The following ANK2 variants were observed in gnomAD, a reference collection of about 807,000 sequenced individuals.
ANK2 encodes the protein ankyrin 2.
Under a neutral mutation model 360.5 loss-of-function variants are expected in ANK2, and 83 were observed. That is an observed-to-expected ratio of 0.23 (90% confidence interval 0.19 to 0.28). The LOEUF (loss-of-function observed/expected upper bound fraction) is 0.28, where lower values mean the gene tolerates loss of function less well. Among genes scored for constraint, ANK2 ranks in the 10% least tolerant of loss-of-function variants. The pLI is 1.00. For missense variants in ANK2, 4,201 were observed against 4,795.7 expected (o/e 0.88, Z 3.66); for synonymous variants, 1,740 against 1,759.5 (o/e 0.99, Z 0.28).
intron 1 of ANK2, among the ~76,000 whole-genome samples, chr4:113,083,373 A>G (rs761519620): frequency 3.3e-5 from 5 of 151,936 alleles, no homozygotes; most frequent in Non-Finnish European, 5.9e-5. Flanking sequence ...GTAGAGATGG[A>G]GGGTCTTGCT....
chr4:113,104,766 C>T (rs9759975), intron 1 of ANK2, among the ~76,000 whole-genome samples: 103,776 of 151,910 alleles, frequency 0.68, 35,681 homozygotes, highest in African/African-American at 0.7. Flanking sequence ...ACATGTATAA[C>T]TGGGAAAAAA....
intron 2 of ANK2, among the ~76,000 whole-genome samples, chr4:113,177,535 A>T (rs999538440): frequency 6.6e-6 from 1 of 152,240 alleles, no homozygotes; most frequent in Non-Finnish European, 1.5e-5. Flanking sequence ...CCTAAGGAAA[A>T]GAAAGTTCAT....
intron 1 of ANK2, among the ~76,000 whole-genome samples, chr4:113,134,211 A>C (rs551466654): frequency 1.6e-4 from 24 of 151,186 alleles, no homozygotes; most frequent in Non-Finnish European, 2.9e-4. Flanking sequence ...AAAGTATCAT[A>C]TGACTGGCTA....
rs2093966235 is a variant in ANK2 at position 113,339,230 on chromosome 4, A to G, written c.3801A>G (p.Gly1267=). ...TLRLLCSITG[G]TTPAQWEDIT... ...TCAACAATCATATTATTTCAGGTGG[A>G]ACCACCCCTGCCCAGTGGGAAGATA... The change falls in exon 32 of 46, where the codon GGA becomes GGG. Residue 1267 remains glycine, a synonymous_variant. Coordinates refer to ENST00000357077, the MANE Select transcript of ANK2 (RefSeq NM_001148.6). The G allele has an allele frequency of 1.2e-6, 2 of 1,612,806 alleles. No homozygotes were observed. Among genetic ancestry groups the G allele is most frequent in the Middle Eastern group, 1.7e-4 (1 of 6,060 alleles).
chr4:113,194,132 G>T (rs946990438), intron 2 of ANK2, among the ~76,000 whole-genome samples: 2 of 152,174 alleles, frequency 1.3e-5, no homozygotes, highest in Non-Finnish European at 2.9e-5. Context: ...AGCACTGAGA[G>T]CTGAGCACTT....
chr4:113,295,576 T>A (rs72675244), intron 22 of ANK2, among the ~76,000 whole-genome samples: 2 of 152,282 alleles, frequency 1.3e-5, no homozygotes, highest in Non-Finnish European at 2.9e-5. Flanking sequence ...CTCTGTGAGC[T>A]TTTTTTCTTT....
At chr4:113,319,160 C>CT (rs1328426289) in intron 26 of ANK2, among the ~76,000 whole-genome samples, 1 of 152,080 alleles carries the variant, frequency 6.6e-6, no homozygotes, top group Non-Finnish European at 1.5e-5. Flanking sequence ...TCTCAGTTAT[C>CT]TTTTTAAAGT....
At chr4:113,044,797 G>T (rs2063858764), upstream of ANK2, among the ~76,000 whole-genome samples, 1 of 152,044 alleles carries the variant, frequency 6.6e-6, no homozygotes, top group African/African-American at 2.4e-5. Context: ...CCTGGTCATT[G>T]GGTTAGCCCA....
chr4:113,381,689 A>G lies in ANK2; in HGVS notation c.*218A>G, dbSNP rs1386920240. The G allele has an allele frequency of 1.1e-5, 17 of 1,528,054 alleles. No individual in the cohort carries two copies. The highest frequency in any genetic ancestry group is 1.4e-5 in the African/African-American group (1 of 72,854). The allele number at this position is 1,528,054 out of a possible 1,614,324, so 94.7% of individuals were successfully genotyped here. A position where few individuals can be genotyped will look rare whatever the true frequency, so the allele number is the denominator to read the frequency against. On this transcript the variant is annotated 3_prime_UTR_variant, in exon 46 of 46. Transcript: ENST00000357077. ...GAAACCACACATTCACTCAATATGC[A>G]GCTTCCTGTTTCAGTAGGGGAGTGA...
chr4:112,743,783 G>A, the ANK2 span, among the ~76,000 whole-genome samples: 1 of 151,840 alleles, frequency 6.6e-6, no homozygotes, highest in East Asian at 1.9e-4. Context: ...GACCTCAGGT[G>A]ATCTGACTGC....
intron 1 of ANK2, among the ~76,000 whole-genome samples, chr4:113,115,081 T>C (rs984880556): frequency 4.6e-5 from 7 of 152,204 alleles, no homozygotes; most frequent in Non-Finnish European, 1.0e-4. Context: ...TCTTTCCTAA[T>C]GACTGCTTTG....
intron 1 of ANK2, among the ~76,000 whole-genome samples, chr4:113,094,533 T>C (rs1399360834): frequency 6.6e-6 from 1 of 151,860 alleles, no homozygotes; most frequent in Non-Finnish European, 1.5e-5. Context: ...TGTGTGTGTG[T>C]GTGTGCATGC....
chr4:112,760,440 G>A, the ANK2 span, among the ~76,000 whole-genome samples: 1 of 151,698 alleles, frequency 6.6e-6, no homozygotes, highest in African/African-American at 2.4e-5. Context: ...GCCCGCCTTG[G>A]CCTCCCAAAG....
the ANK2 span, among the ~76,000 whole-genome samples, chr4:112,784,266 C>T: frequency 6.6e-6 from 1 of 151,382 alleles, no homozygotes. Context: ...CTCACCACAG[C>T]CTCGATCTCC....
chr4:113,000,693 G>A (rs1414345654), intron 2 of ANK2, among the ~76,000 whole-genome samples: 3 of 152,186 alleles, frequency 2.0e-5, no homozygotes, highest in African/African-American at 7.2e-5. Context: ...AGGAAAACTA[G>A]GTTTGTGCAC....
chr4:113,278,672 A>G (rs1315102421), intron 17 of ANK2, 114 bp downstream of exon 17: 29 of 1,060,812 alleles, frequency 2.7e-5, no homozygotes, highest in Non-Finnish European at 3.4e-5. Flanking sequence ...TCCTAGCGAT[A>G]GTAGCTTTTG....
chr4:113,065,234 C>G (rs1227021435), intron 1 of ANK2, among the ~76,000 whole-genome samples: 1 of 151,332 alleles, frequency 6.6e-6, no homozygotes, highest in African/African-American at 2.4e-5. Context: ...TTCTGTAGAA[C>G]TTCTAACAAA....
At chr4:112,770,711 CAAA>C in the ANK2 span, among the ~76,000 whole-genome samples, 73 of 121,590 alleles carry the variant, frequency 6.0e-4, no homozygotes, top group Admixed American at 1.3e-3. Flanking sequence ...CTCTCTCTCT[CAAA>C]AAAAAAAAAA....
In ANK2 at chr4:113,336,628, A is replaced by G; in HGVS notation, c.3643A>G (p.Thr1215Ala). The G allele has an allele frequency of 6.2e-7, 1 of 1,614,192 alleles. No individual in the cohort carries two copies. The highest frequency in any genetic ancestry group is 8.5e-7 in the Non-Finnish European group (1 of 1,180,040). ...LVKKILGNKA[T>A]FSPIVTLEPR... ...TAAGAAGATCCTAGGCAACAAAGCT[A>G]CCTTCAGCCCTATAGTCACTTTGGA... Residue 1215 changes from threonine (T) to alanine (A), a missense_variant, in exon 31 of 46, where the codon ACC becomes GCC. Transcript: ENST00000357077.
Sources: allele counts gnomAD v4.1 joint callset (sites outside exome capture counted in the v4.1 genomes callset), GRCh38; gene constraint gnomAD v4.1.1; transcripts MANE v1.5; gene names NCBI Gene and HGNC (gene_info 2026-07-23, HGNC 2026-07-21).